The following SERINC4 variants were observed in gnomAD, a reference collection of about 807,000 sequenced individuals.
The protein encoded by SERINC4 is serine incorporator 4.
In SERINC4, 52 loss-of-function variants were observed where a neutral mutation model predicts 52.0. The observed-to-expected ratio is 1.00, with a 90% CI of 0.80 to 1.26. SERINC4 has a LOEUF of 1.26. SERINC4 is among the 50% of genes most tolerant of loss of function. The probability of loss-of-function intolerance (pLI) is 0.00; values close to 1 mark genes in which losing one functional copy is unlikely to be tolerated. For synonymous variants in SERINC4, 264 were observed against 247.7 expected (o/e 1.07, Z -0.62); for missense variants, 723 against 632.8 (o/e 1.14, Z -1.53).
Position 43,799,990 on chromosome 15 carries a change from T to C in SERINC4, c.-4A>G. ...GGCCGGCCTTGGCACCCACCATCCT[T>C]GTCCCAGGGATTAGGCTTAGGTCCA... is the stretch of plus-strand genomic sequence containing the variant. On this transcript the variant is annotated 5_prime_UTR_variant, in exon 1 of 12. Transcript: ENST00000319327. 2 of 1,529,484 alleles carry C rather than the reference T, an allele frequency of 1.3e-6. No homozygotes were observed. The highest frequency in any genetic ancestry group is 1.8e-6 in the Non-Finnish European group (2 of 1,139,106). The allele number at this position is 1,529,484 out of a possible 1,614,324, so 94.7% of individuals were successfully genotyped here.
At chr15:43,798,124 A>G in intron 4 of SERINC4, 111 bp from the exon 5 acceptor site, 1 of 747,296 alleles carries the variant, frequency 1.3e-6, no homozygotes, top group East Asian at 2.7e-5. Context: ...ATTTCAGCTC[A>G]CTGCAACCTC....
At chr15:43,799,619 G>T (rs747329151) in intron 1 of SERINC4, 133 bp from the exon 2 acceptor site, 2 of 1,178,248 alleles carry the variant, frequency 1.7e-6, no homozygotes, top group South Asian at 1.3e-5. Context: ...TTTTACTCAG[G>T]TTCTGTTTCA....
At chr15:43,797,052 TC>T (rs2087230986) in intron 6 of SERINC4, 92 bp downstream of exon 6, 2 of 1,455,732 alleles carry the variant, frequency 1.4e-6, no homozygotes, top group Admixed American at 3.7e-5. Flanking sequence ...AAGCAGAGAT[TC>T]TTTTATCAAA....
chr15:43,797,506 C>T, intron 5 of SERINC4, 150 bp from the exon 6 acceptor site: 1 of 614,254 alleles, frequency 1.6e-6, no homozygotes, highest in Non-Finnish European at 2.8e-6. Flanking sequence ...GATTCTCCTA[C>T]CTCAGCCTCC....
intron 3 of SERINC4, 66 bp downstream of exon 3, chr15:43,798,893 C>A: frequency 1.3e-6 from 2 of 1,490,850 alleles, no homozygotes; most frequent in Non-Finnish European, 1.8e-6. Flanking sequence ...CCCGGAATTT[C>A]CTTTACCCAG....
At chr15:43,798,929 C>G (rs1297748398) in intron 3 of SERINC4, 30 bp downstream of exon 3, 2 of 1,548,832 alleles carry the variant, frequency 1.3e-6, no homozygotes, top group South Asian at 1.2e-5. Context: ...CCTCCTCTGT[C>G]CCCTCCCCAC....
At position 43,800,103 on chromosome 15, in the gene SERINC4, G is replaced by A; in HGVS notation, c.-117C>T. 1.3e-6 allele frequency: 1 copy of A among 751,334 alleles called. No individual in the cohort carries two copies. Among genetic ancestry groups the A allele is most frequent in the Admixed American group, 3.1e-5 (1 of 32,144 alleles). 46.5% of individuals were successfully genotyped at this position (751,334 alleles called of 1,614,324 possible). A position where few individuals can be genotyped will look rare whatever the true frequency, so the allele number is the denominator to read the frequency against. On this transcript the variant is annotated 5_prime_UTR_variant, in exon 1 of 12. Coordinates refer to ENST00000319327, the MANE Select transcript of SERINC4 (RefSeq NM_001258031.2). ...TGTTGGGGCTGAGCACCCGGTCCCG[G>A]GCAGAATGGAGACGTCCGGAAGAGA...
chr15:43,798,277 T>C (rs1467678089), intron 4 of SERINC4, 148 bp downstream of exon 4: 10 of 696,880 alleles, frequency 1.4e-5, no homozygotes, highest in Non-Finnish European at 2.6e-5. Context: ...TCTTGATCTC[T>C]TGACCTCGTG....
rs781132023 is a variant in SERINC4, at chr15:43,797,972, G to A, written c.580C>T (p.Leu194=). 1 of 1,613,840 alleles carries A rather than the reference G, an allele frequency of 6.2e-7. No homozygotes were observed. Among genetic ancestry groups the A allele is most frequent in the African/African-American group, 1.3e-5 (1 of 74,918 alleles). ...IGICGGFAFI[L]LQLVLITAFA... is the part of the protein sequence containing the mutation. ...GCTGTAATAAGCACCAACTGCAGTA[G>A]GATGAATGCAAAGCCTCCACAGATG... Residue 194 remains leucine, a synonymous_variant, in exon 5 of 12, where the codon CTA becomes TTA. Transcript: ENST00000319327.
intron 2 of SERINC4, 67 bp downstream of exon 2, chr15:43,799,243 C>A (rs1192872338): frequency 1.3e-6 from 2 of 1,519,864 alleles, no homozygotes; most frequent in South Asian, 2.4e-5. Context: ...CCAACCGAAA[C>A]CTTTTCTATC....
At chr15:43,796,277 T>C in intron 8 of SERINC4, 50 bp from the exon 9 acceptor site, 2 of 1,426,288 alleles carry the variant, frequency 1.4e-6, no homozygotes, top group South Asian at 1.2e-5. Flanking sequence ...AGGGATTATC[T>C]GGGGGCATTT....
intron 8 of SERINC4, 36 bp downstream of exon 8, chr15:43,796,577 CCCT>C (rs2087220343): frequency 5.0e-6 from 8 of 1,606,232 alleles, no homozygotes; most frequent in Non-Finnish European, 6.8e-6. Flanking sequence ...GTCTTGGGCA[CCCT>C]CCTTTCATAC....
intron 1 of SERINC4, 100 bp downstream of exon 1, chr15:43,799,785 C>T: frequency 1.0e-6 from 1 of 1,001,588 alleles, no homozygotes; most frequent in African/African-American, 1.6e-5. Context: ...GGGCAACGAA[C>T]CAGAACGACA....
Position 43,795,066 on chromosome 15 carries a change from C to T in SERINC4, c.1491G>A (p.Gln497=), listed in dbSNP as rs552855311. ...GGCGGCGGCGCCTCAAGATAAGGGG[C>T]TGGGGTTTCTGGGTGGGGGGCCAAC... is the stretch of plus-strand genomic sequence containing the variant. The part of the protein sequence containing the change: ...PLCWPPTQKP[Q]PLILRRRRHR... Residue 497 remains glutamine (Q), a synonymous_variant, in exon 12 of 12, where the codon CAG becomes CAA. Transcript: ENST00000319327. 14 of 1,608,702 alleles carry T rather than the reference C, an allele frequency of 8.7e-6. No individual in the cohort carries two copies. The East Asian group carries it at 1.1e-4, about 13-fold the overall frequency.
At chr15:43,799,276 T>G in intron 2 of SERINC4, 34 bp downstream of exon 2, 1 of 1,540,216 alleles carries the variant, frequency 6.5e-7, no homozygotes, top group South Asian at 1.2e-5. Flanking sequence ...CTTTTATCTC[T>G]TCCCACCTGA....
At chr15:43,798,857 G>T in intron 3 of SERINC4, 102 bp downstream of exon 3, 1 of 1,205,604 alleles carries the variant, frequency 8.3e-7, no homozygotes, top group South Asian at 1.4e-5. Flanking sequence ...CCTGTTTTCT[G>T]TCTTTTTACA....
At position 43,794,823 on chromosome 15, in the gene SERINC4, ACT is replaced by A. The variant is rs1446579362; in HGVS notation, c.*175_*176del. Reference sequence around the variant, plus strand: ...TAACAGTAGCTCCAGTGAGTCAGACACTCTGCCCAGCACATTAGACTGTGTTT... The same window carrying A: ...TAACAGTAGCTCCAGTGAGTCAGACACTGCCCAGCACATTAGACTGTGTTT... On this transcript the variant is annotated 3_prime_UTR_variant, in exon 12 of 12. Transcript: ENST00000319327. The A allele has an allele frequency of 5.1e-6, 3 of 587,982 alleles. No individual in the cohort carries two copies. The highest frequency in any genetic ancestry group is 6.0e-6 in the Non-Finnish European group (2 of 332,876). The allele number at this position is 587,982 out of a possible 1,614,324, so 36.4% of individuals were successfully genotyped here.
At chr15:43,798,823 GT>G (rs2087261378) in intron 3 of SERINC4, 135 bp downstream of exon 3, 1 of 879,410 alleles carries the variant, frequency 1.1e-6, no homozygotes, top group South Asian at 1.6e-5. Flanking sequence ...TACACAGCAA[GT>G]ACACGAGAAG....
chr15:43,798,978 G>A lies in SERINC4; in HGVS notation c.439C>T (p.Arg147Trp). The change falls in exon 3 of 12, where the codon CGG becomes TGG. Residue 147 changes from arginine (R) to tryptophan (W), a missense_variant. Coordinates refer to ENST00000319327, the MANE Select transcript of SERINC4 (RefSeq NM_001258031.2). ...ACAAACCTATTATGCAGCTGTGCCCGCGGGCTGGTGGGGGAGTGGAGGTGG... is the reference window on the plus strand; with the variant it reads ...ACAAACCTATTATGCAGCTGTGCCCACGGGCTGGTGGGGGAGTGGAGGTGG... ...LVHLHSPTSP[R>W]AQLHNSFWLL... 6 of 1,550,480 alleles carry A rather than the reference G, an allele frequency of 3.9e-6. No homozygotes were observed. In the Admixed American group the frequency reaches 5.9e-5, roughly 15 times the overall value.
Sources: allele counts gnomAD v4.1 joint callset, GRCh38; gene constraint gnomAD v4.1.1; transcripts MANE v1.5; gene names NCBI Gene and HGNC (gene_info 2026-07-23, HGNC 2026-07-21).